SFT2D1: variants seen among roughly 807,000 people sequenced by gnomAD.
SFT2D1 encodes SFT2 domain containing 1, also known as vesicle transport protein SFT2A.
In SFT2D1, 24 loss-of-function variants were observed where a neutral mutation model predicts 28.1. That is an observed-to-expected ratio of 0.85 (90% CI 0.62 to 1.20). SFT2D1 has a LOEUF of 1.20. Ranked by LOEUF, SFT2D1 falls within the 50% of genes most tolerant of loss-of-function variation. The pLI is 0.00. For synonymous variants in SFT2D1, 82 were observed against 73.7 expected (o/e 1.11, Z -0.58); for missense variants, 181 against 190.9 (o/e 0.95, Z 0.31).
At chr6:166,330,064 C>T (rs1239866204) in intron 2 of SFT2D1, 97 bp downstream of exon 2, 4 of 908,310 alleles carry the variant, frequency 4.4e-6, no homozygotes, top group Non-Finnish European at 6.3e-6. Context: ...AATGGTCTAA[C>T]AGGGATTTAG....
At chr6:166,322,579 G>A (rs926567181) in intron 7 of SFT2D1, among the ~76,000 whole-genome samples, 1 of 150,754 alleles carries the variant, frequency 6.6e-6, no homozygotes, top group Non-Finnish European at 1.5e-5. Context: ...TGTAGTCCCA[G>A]CTACTTAGGA....
intron 1 of SFT2D1, among the ~76,000 whole-genome samples, chr6:166,342,141 T>C (rs530012114): frequency 4.6e-5 from 7 of 152,188 alleles, no homozygotes; most frequent in Admixed American, 1.3e-4. Context: ...GATGGATTAT[T>C]TGGGAAAGCG....
At chr6:166,337,349 G>A (rs921095993) in intron 1 of SFT2D1, among the ~76,000 whole-genome samples, 25 of 152,314 alleles carry the variant, frequency 1.6e-4, no homozygotes, top group Admixed American at 4.6e-4. Context: ...AGTCACTTCC[G>A]TGTCCTTAAT....
intron 1 of SFT2D1, 102 bp from the exon 2 acceptor site, chr6:166,330,349 T>C (rs1404844122): frequency 5.3e-6 from 4 of 748,038 alleles, no homozygotes; most frequent in African/African-American, 1.8e-5. Flanking sequence ...GTCTGAATCA[T>C]TTATTTTGCA....
rs1583046160 is a variant in SFT2D1, at chr6:166,342,477, T to C, written c.5A>G (p.Glu2Gly). 1.3e-6 allele frequency: 2 copies of C among 1,553,114 alleles called. No individual in the cohort carries two copies. Among genetic ancestry groups the C allele is most frequent in the Non-Finnish European group, 1.7e-6 (2 of 1,148,952 alleles). M[E>G]KLRRVLSGQD... is the part of the protein sequence containing the mutation. ...GCCGCTCAGGACTCGCCGCAGCTTC[T>C]CCATGGCCCTGTTACAGGGCCGTAG... The change falls in exon 1 of 8, where the codon GAG becomes GGG. Residue 2 changes from glutamate (E) to glycine (G), a missense_variant. Transcript: ENST00000361731.
chr6:166,337,975 T>C (rs747940369), intron 1 of SFT2D1, among the ~76,000 whole-genome samples: 7 of 152,088 alleles, frequency 4.6e-5, no homozygotes, highest in Admixed American at 6.5e-5. Context: ...CTCTCTGCCA[T>C]GTCAAGATAT....
At chr6:166,330,825 T>A (rs1182574514) in intron 1 of SFT2D1, among the ~76,000 whole-genome samples, 1 of 152,072 alleles carries the variant, frequency 6.6e-6, no homozygotes, top group Non-Finnish European at 1.5e-5. Flanking sequence ...TGGGGTGGGG[T>A]GACTGCACCC....
intron 1 of SFT2D1, among the ~76,000 whole-genome samples, chr6:166,340,001 C>CACTG (rs879357654): frequency 3.3e-5 from 5 of 152,206 alleles, no homozygotes; most frequent in African/African-American, 9.7e-5. Flanking sequence ...CTGCTCCTCC[C>CACTG]ACAGTCACTT....
intron 7 of SFT2D1, among the ~76,000 whole-genome samples, chr6:166,321,877 T>C (rs1261152386): frequency 6.6e-6 from 1 of 152,188 alleles, no homozygotes; most frequent in East Asian, 1.9e-4. Flanking sequence ...AAGCCCTCAT[T>C]TTCCCAGTAA....
intron 1 of SFT2D1, among the ~76,000 whole-genome samples, chr6:166,333,268 G>C (rs939455065): frequency 2.0e-5 from 3 of 152,154 alleles, no homozygotes; most frequent in Admixed American, 2.0e-4. Flanking sequence ...TCTTGATCGC[G>C]GGGCCTATCC....
intron 1 of SFT2D1, chr6:166,334,749 TG>T: frequency 2.8e-6 from 1 of 361,922 alleles, no homozygotes; most frequent in South Asian, 2.5e-5. Context: ...CCAAGCACTC[TG>T]GGGCTTTGGG....
rs1409730095 is a variant in SFT2D1, at chr6:166,324,531, A to G, written c.410+6T>C. The G allele has an allele frequency of 2.5e-6, 4 of 1,610,408 alleles. No individual in the cohort carries two copies. In the Admixed American group the frequency reaches 5.1e-5, roughly 21 times the overall value. On this transcript the variant is annotated splice_donor_region_variant and intron_variant, in intron 6 of 7. Coordinates refer to ENST00000361731, the MANE Select transcript of SFT2D1 (RefSeq NM_145169.3). ...TAACACTTCACTAGGGTAAGGAAAG[A>G]CTTACCAGGTCATTGACAAGAACTG...
Position 166,326,178 on chromosome 6 carries a change from A to G in SFT2D1, c.316-11T>C. 1.2e-6 allele frequency: 2 copies of G among 1,611,692 alleles called. No homozygotes were observed. Among genetic ancestry groups the G allele is most frequent in the Non-Finnish European group, 1.7e-6 (2 of 1,178,168 alleles). ...AAATATGAAACACAACTACAGGGGA[A>G]GAAAGAGTAGATTATAAGTTTGAGA... On this transcript the variant is annotated splice_polypyrimidine_tract_variant and intron_variant, in intron 4 of 7. Coordinates refer to ENST00000361731, the MANE Select transcript of SFT2D1 (RefSeq NM_145169.3).
intron 2 of SFT2D1, among the ~76,000 whole-genome samples, chr6:166,329,960 T>C (rs1010547891): frequency 3.3e-5 from 5 of 152,238 alleles, no homozygotes; most frequent in Admixed American, 2.0e-4. Context: ...TTAAATTATT[T>C]CAACTATCCA....
At chr6:166,325,906 T>C in intron 5 of SFT2D1, 1 of 574,876 alleles carries the variant, frequency 1.7e-6, no homozygotes, top group Non-Finnish European at 3.1e-6. Context: ...TGGGTGAGCA[T>C]GTGTGCACAT....
At chr6:166,342,175 A>G (rs1358386033) in intron 1 of SFT2D1, among the ~76,000 whole-genome samples, 2 of 151,412 alleles carry the variant, frequency 1.3e-5, no homozygotes, top group African/African-American at 4.8e-5. Flanking sequence ...GCGGATTCCT[A>G]AGTCAGAAGG....
chr6:166,323,714 G>A (rs1309993493), intron 6 of SFT2D1: 8 of 152,230 alleles, frequency 5.3e-5, no homozygotes, highest in Admixed American at 2.0e-4. Context: ...TGCAGGTGAA[G>A]CACCTCTGAT....
At position 166,320,267 on chromosome 6, in the gene SFT2D1, A is replaced by G. The variant is rs1365940096; in HGVS notation, c.441-11T>C. On this transcript the variant is annotated splice_polypyrimidine_tract_variant and intron_variant, in intron 7 of 7. Transcript: ENST00000361731. ...TTAATAACTGCATCCCTGGTGGAAAAGAGAGGGAAAAAAACAGAATATAAT... is the reference window on the plus strand; with the variant it reads ...TTAATAACTGCATCCCTGGTGGAAAGGAGAGGGAAAAAAACAGAATATAAT... The G allele has an allele frequency of 6.2e-7, 1 of 1,608,732 alleles. No homozygotes were observed. The highest frequency in any genetic ancestry group is 1.3e-5 in the African/African-American group (1 of 74,908).
intron 4 of SFT2D1, among the ~76,000 whole-genome samples, chr6:166,327,375 C>T (rs1778465289): frequency 1.3e-5 from 2 of 152,114 alleles, no homozygotes; most frequent in South Asian, 4.1e-4. Flanking sequence ...TGGAAACAAC[C>T]TTACTAGCCA....
Sources: gnomAD v4.1 joint callset for allele counts (sites outside exome capture counted in the v4.1 genomes callset) on GRCh38, gnomAD v4.1.1 for gene constraint, MANE v1.5 for transcripts, NCBI Gene and HGNC (gene_info 2026-07-23, HGNC 2026-07-21) for gene names.